MEI1: variants seen among roughly 807,000 people sequenced by gnomAD.
MEI1 encodes meiosis inhibitor protein 1.
A neutral mutation model predicts 146.2 loss-of-function variants in MEI1; 103 were observed. The ratio of observed to expected loss-of-function variants is 0.70; its 90% CI spans 0.60 to 0.83. The LOEUF is 0.83. Ranked by LOEUF, MEI1 falls within the 40% of genes least tolerant of loss-of-function variation. The pLI is 0.00. For synonymous variants in MEI1, 652 were observed against 628.2 expected (o/e 1.04, Z -0.57); for missense variants, 1,529 against 1,533.0 (o/e 1.00, Z 0.04).
intron 18 of MEI1, among the ~76,000 whole-genome samples, chr22:41,762,188 G>A (rs1183834787): frequency 6.6e-6 from 1 of 152,040 alleles, no homozygotes; most frequent in Non-Finnish European, 1.5e-5. Context: ...TACCATTACA[G>A]GCGTGAGCCA....
At chr22:41,718,656 A>C (rs1033308929) in intron 6 of MEI1, among the ~76,000 whole-genome samples, 1 of 152,126 alleles carries the variant, frequency 6.6e-6, no homozygotes, top group African/African-American at 2.4e-5. Flanking sequence ...GTCTTAGTGC[A>C]TTTTATGCTG....
chr22:41,772,676 C>G (rs777296381), intron 20 of MEI1, among the ~76,000 whole-genome samples: 5 of 152,124 alleles, frequency 3.3e-5, no homozygotes, highest in Non-Finnish European at 5.9e-5. Flanking sequence ...CCCATGGTCA[C>G]AAGAGTTGGA....
At chr22:41,776,351 G>A (rs1333047573) in intron 21 of MEI1, 84 bp downstream of exon 21, 1 of 1,445,548 alleles carries the variant, frequency 6.9e-7, no homozygotes, top group East Asian at 2.3e-5. Flanking sequence ...GTCTGCTCCA[G>A]GAGAGAGAAT....
intron 11 of MEI1, among the ~76,000 whole-genome samples, chr22:41,740,507 T>C (rs2072769991): frequency 6.6e-6 from 1 of 152,046 alleles, no homozygotes; most frequent in East Asian, 1.9e-4. Context: ...TTTGGGAGGC[T>C]GAGGCTGGAG....
At chr22:41,749,437 G>A (rs775358132) in intron 15 of MEI1, among the ~76,000 whole-genome samples, 1 of 151,962 alleles carries the variant, frequency 6.6e-6, no homozygotes, top group Non-Finnish European at 1.5e-5. Context: ...CACCATGCCC[G>A]GCTAATTTTG....
chr22:41,754,903 T>C (rs2073993673), intron 17 of MEI1, among the ~76,000 whole-genome samples: 1 of 151,916 alleles, frequency 6.6e-6, no homozygotes. Context: ...GGCAAAAGGA[T>C]AGAGAGTGAT....
At chr22:41,796,565 A>G (rs966509244) in intron 30 of MEI1, among the ~76,000 whole-genome samples, 3 of 152,134 alleles carry the variant, frequency 2.0e-5, no homozygotes, top group Non-Finnish European at 4.4e-5. Flanking sequence ...GAGCATCCCT[A>G]ATACAAAAAT....
intron 17 of MEI1, among the ~76,000 whole-genome samples, chr22:41,757,274 T>G (rs1236526773): frequency 1.3e-5 from 2 of 152,068 alleles, no homozygotes; most frequent in African/African-American, 4.8e-5. Context: ...TTTTGTATTT[T>G]TAGTAGAGAC....
rs2148217131 is a variant in MEI1, at chr22:41,789,226, C to G, written c.3345+4443C>G. Among the ~76,000 whole-genome samples, 4 of 152,278 alleles carry G rather than the reference C, an allele frequency of 2.6e-5. No homozygotes were observed. The Middle Eastern group carries it at 0.01, about 388-fold the overall frequency. ...ACTTGGGAGGCCAAGGCAGGAGAAT[C>G]ACTTGAACCCGGGAGGTGGAGGTTG... On this transcript the variant is annotated intron_variant, in intron 26 of 30. Coordinates refer to ENST00000401548, the MANE Select transcript of MEI1 (RefSeq NM_152513.4).
At chr22:41,738,671 C>T (rs1277018743) in intron 11 of MEI1, among the ~76,000 whole-genome samples, 1 of 150,712 alleles carries the variant, frequency 6.6e-6, no homozygotes, top group African/African-American at 2.4e-5. Context: ...ACTTGCGAGG[C>T]TGAGGCAGGA....
chr22:41,760,678 T>C (rs527771963), intron 18 of MEI1, among the ~76,000 whole-genome samples: 47 of 152,288 alleles, frequency 3.1e-4, no homozygotes, highest in Admixed American at 1.9e-3. Flanking sequence ...ACAATTTCTG[T>C]CCCTTTCAAG....
intron 24 of MEI1, among the ~76,000 whole-genome samples, chr22:41,782,268 T>A (rs1476905326): frequency 6.6e-6 from 1 of 151,494 alleles, no homozygotes; most frequent in Non-Finnish European, 1.5e-5. Context: ...ATTTGGGGAG[T>A]GGTGAGGTGC....
chr22:41,732,742 A>ACAT (rs1430938378), intron 11 of MEI1, 139 bp downstream of exon 11: 3 of 956,164 alleles, frequency 3.1e-6, no homozygotes, highest in Non-Finnish European at 4.4e-6. Flanking sequence ...TGTGGATTCC[A>ACAT]CATCCATGGA....
chr22:41,744,362 C>T lies in MEI1; in HGVS notation c.1447-611C>T, dbSNP rs558694176. On this transcript the variant is annotated intron_variant, in intron 12 of 30. Coordinates refer to ENST00000401548, the MANE Select transcript of MEI1 (RefSeq NM_152513.4). ...ATTTTTTTTGTATTTTTAGTAGAGA[C>T]GGGGTTTCACTATGTTAGCCAGGAT... Among the ~76,000 whole-genome samples the T allele has an allele frequency of 2.9e-4, 44 of 151,880 alleles. 1 individual carries two copies. In the South Asian group the frequency reaches 7.9e-3, roughly 27 times the overall value.
Position 41,746,817 on chromosome 22 carries a change from G to C in MEI1, c.1680+791G>C, listed in dbSNP as rs17002648. Among the ~76,000 whole-genome samples, 18 of 152,258 alleles carry C rather than the reference G, an allele frequency of 1.2e-4. No individual in the cohort carries two copies. In the East Asian group the frequency reaches 3.3e-3, roughly 28 times the overall value. ...CTCTCTTCCTTGAAGAAGCCATTGA[G>C]CTGGAGTCTGCAGGAGGTAGTGGTC... is the stretch of plus-strand genomic sequence containing the variant. On this transcript the variant is annotated intron_variant, in intron 14 of 30. Transcript: ENST00000401548.
chr22:41,760,899 G>A (rs912225262), intron 18 of MEI1, among the ~76,000 whole-genome samples: 5 of 152,222 alleles, frequency 3.3e-5, no homozygotes, highest in African/African-American at 1.2e-4. Context: ...TTTAAGCCAG[G>A]CAGGCCCAGG....
At chr22:41,785,146 A>T (rs1243623299) in intron 26 of MEI1, among the ~76,000 whole-genome samples, 1 of 151,478 alleles carries the variant, frequency 6.6e-6, no homozygotes, top group Non-Finnish European at 1.5e-5. Context: ...CATGTTGGCC[A>T]GGATGGTCTG....
intron 3 of MEI1, among the ~76,000 whole-genome samples, chr22:41,710,447 A>AT (rs564803143): frequency 2.6e-5 from 4 of 152,188 alleles, no homozygotes; most frequent in Non-Finnish European, 5.9e-5. Flanking sequence ...TGACCCATGT[A>AT]TTCTACTGTG....
intron 19 of MEI1, 93 bp from the exon 20 acceptor site, chr22:41,770,593 C>T: frequency 1.6e-6 from 2 of 1,219,310 alleles, no homozygotes; most frequent in Non-Finnish European, 2.3e-6. Context: ...ACTGAGATGA[C>T]AGTACATTTT....
Sources: gnomAD v4.1 joint callset for allele counts (sites outside exome capture counted in the v4.1 genomes callset) on GRCh38, gnomAD v4.1.1 for gene constraint, MANE v1.5 for transcripts, NCBI Gene and HGNC (gene_info 2026-07-23, HGNC 2026-07-21) for gene names.